SORCS3: variants seen among roughly 807,000 people sequenced by gnomAD.
SORCS3 encodes the protein sortilin related VPS10 domain containing receptor 3.
Under a neutral mutation model 146.3 loss-of-function variants are expected in SORCS3, and 57 were observed. That is an observed-to-expected ratio of 0.39 (90% CI 0.31 to 0.49). The LOEUF (loss-of-function observed/expected upper bound fraction) is 0.49, where lower values mean the gene tolerates loss of function less well. Ranked by LOEUF, SORCS3 falls within the 20% of genes least tolerant of loss-of-function variation. The pLI is 0.92. For synonymous variants in SORCS3, 653 were observed against 618.5 expected (o/e 1.06, Z -0.83); for missense variants, 1,341 against 1,575.5 (o/e 0.85, Z 2.52).
At chr10:104,966,435 A>C (rs2054826764) in intron 3 of SORCS3, among the ~76,000 whole-genome samples, 1 of 152,224 alleles carries the variant, frequency 6.6e-6, no homozygotes, top group South Asian at 2.1e-4. Flanking sequence ...CTTATTGAAC[A>C]CTAACTTTGC....
At chr10:105,196,786 T>A (rs1377546937) in intron 14 of SORCS3, among the ~76,000 whole-genome samples, 1 of 152,166 alleles carries the variant, frequency 6.6e-6, no homozygotes, top group Non-Finnish European at 1.5e-5. Context: ...TAGATGAAAG[T>A]GGTCTTGGAT....
At chr10:104,975,208 A>C (rs1414925021) in intron 3 of SORCS3, among the ~76,000 whole-genome samples, 1 of 152,198 alleles carries the variant, frequency 6.6e-6, no homozygotes, top group Admixed American at 6.6e-5. Flanking sequence ...CAACTTCAGC[A>C]AAGTCTCAGG....
chr10:105,217,541 A>T (rs1316413162), intron 19 of SORCS3, among the ~76,000 whole-genome samples: 1 of 152,224 alleles, frequency 6.6e-6, no homozygotes, highest in African/African-American at 2.4e-5. Context: ...TTTGTGTTGT[A>T]AGAGCCAGAG....
At chr10:104,695,069 G>A (rs972308083) in intron 1 of SORCS3, among the ~76,000 whole-genome samples, 2 of 152,124 alleles carry the variant, frequency 1.3e-5, no homozygotes, top group African/African-American at 2.4e-5. Context: ...CCCTCGTGTC[G>A]ATTCATGTCA....
At chr10:105,212,788 G>A (rs781454061) in intron 17 of SORCS3, among the ~76,000 whole-genome samples, 50 of 152,138 alleles carry the variant, frequency 3.3e-4, no homozygotes, top group Admixed American at 5.9e-4. Flanking sequence ...GTTTGTGTTA[G>A]GACATGGTAC....
intron 20 of SORCS3, among the ~76,000 whole-genome samples, chr10:105,227,935 T>C (rs1410414556): frequency 6.6e-6 from 1 of 151,876 alleles, no homozygotes; most frequent in African/African-American, 2.4e-5. Context: ...AGTCTGTATA[T>C]GTCATGACAG....
At position 105,261,886 on chromosome 10, in the gene SORCS3, C is replaced by G. The variant is rs915518446; in HGVS notation, c.3444-445C>G. Among the ~76,000 whole-genome samples, 5 of 152,124 alleles carry G rather than the reference C, an allele frequency of 3.3e-5. No homozygotes were observed. In the South Asian group the frequency reaches 1.0e-3, roughly 31 times the overall value. On this transcript the variant is annotated intron_variant, in intron 25 of 26. Transcript: ENST00000369701. Reference sequence around the variant, plus strand: ...GAAAATTGTAGCAAAAGCTATGAATCTATTATTTCTTGACTATTTATTTTA... The same window carrying G: ...GAAAATTGTAGCAAAAGCTATGAATGTATTATTTCTTGACTATTTATTTTA...
chr10:105,158,892 C>T lies in SORCS3; in HGVS notation c.1630C>T (p.Pro544Ser). The T allele has an allele frequency of 6.2e-7, 1 of 1,608,558 alleles. No homozygotes were observed. Among genetic ancestry groups the T allele is most frequent in the Non-Finnish European group, 8.5e-7 (1 of 1,175,468 alleles). Residue 544 changes from proline to serine, a missense_variant and splice_region_variant, in exon 11 of 27, where the codon CCC becomes TCC. Transcript: ENST00000369701. Reference protein sequence around the residue: ...LRGSPVHCLLPFCSLHLHLQL... With the variant: ...LRGSPVHCLLSFCSLHLHLQL... Reference sequence around the variant, plus strand: ...GAAACTATTTCTTTCTCCATTTTAGCCCTTCTGTTCCTTACATCTGCACCT... The same window carrying T: ...GAAACTATTTCTTTCTCCATTTTAGTCCTTCTGTTCCTTACATCTGCACCT...
At chr10:104,872,336 T>C (rs1332710571) in intron 2 of SORCS3, among the ~76,000 whole-genome samples, 2 of 152,050 alleles carry the variant, frequency 1.3e-5, no homozygotes, top group Non-Finnish European at 2.9e-5. Context: ...GTTAGGAAAA[T>C]GAGGGGTTTG....
intron 1 of SORCS3, among the ~76,000 whole-genome samples, chr10:104,841,593 G>A (rs2018140374): frequency 6.6e-6 from 1 of 152,168 alleles, no homozygotes; most frequent in South Asian, 2.1e-4. Flanking sequence ...AGTGCTGGAT[G>A]AGAATAAATC....
At chr10:104,643,022 C>G (rs2015445803) in intron 1 of SORCS3, among the ~76,000 whole-genome samples, 1 of 152,230 alleles carries the variant, frequency 6.6e-6, no homozygotes. Flanking sequence ...GGGACAGGTT[C>G]CCACCATCTC....
intron 1 of SORCS3, among the ~76,000 whole-genome samples, chr10:104,834,781 T>G (rs1462812690): frequency 1.3e-5 from 2 of 151,910 alleles, no homozygotes; most frequent in African/African-American, 4.8e-5. Flanking sequence ...ATTCAGCACT[T>G]GGCAAAAAGG....
intron 1 of SORCS3, among the ~76,000 whole-genome samples, chr10:104,710,877 G>A (rs1013361538): frequency 5.3e-5 from 8 of 152,186 alleles, no homozygotes; most frequent in African/African-American, 1.7e-4. Flanking sequence ...GGAGGGGACA[G>A]TAACATGGAT....
chr10:104,997,878 A>G (rs2055036873), intron 4 of SORCS3, among the ~76,000 whole-genome samples: 2 of 152,302 alleles, frequency 1.3e-5, no homozygotes, highest in East Asian at 1.9e-4. Context: ...ATCTGGTAGA[A>G]TGGAAAAAGT....
intron 7 of SORCS3, among the ~76,000 whole-genome samples, chr10:105,133,925 TCTAGC>T (rs1254648053): frequency 5.3e-5 from 8 of 152,170 alleles, no homozygotes; most frequent in African/African-American, 1.9e-4. Context: ...ACCACTGCAC[TCTAGC>T]CTGGGTGACA....
intron 6 of SORCS3, among the ~76,000 whole-genome samples, chr10:105,101,291 C>G (rs2055782655): frequency 6.6e-6 from 1 of 152,056 alleles, no homozygotes; most frequent in African/African-American, 2.4e-5. Flanking sequence ...CCCTGCTCAC[C>G]CTTGACAGCC....
At chr10:104,648,194 T>C (rs1169342840) in intron 1 of SORCS3, among the ~76,000 whole-genome samples, 1 of 152,226 alleles carries the variant, frequency 6.6e-6, no homozygotes, top group Non-Finnish European at 1.5e-5. Context: ...AATTTGAGAC[T>C]TGCAGAATGT....
chr10:105,002,905 G>T (rs112722823), intron 4 of SORCS3, among the ~76,000 whole-genome samples: 6 of 152,154 alleles, frequency 3.9e-5, no homozygotes, highest in Non-Finnish European at 7.3e-5. Context: ...TAGAGTACTC[G>T]CTGTGTTCCA....
chr10:104,911,727 C>T (rs2018970424), intron 2 of SORCS3, among the ~76,000 whole-genome samples: 1 of 152,150 alleles, frequency 6.6e-6, no homozygotes. Context: ...GACAAAGATG[C>T]TTTCCTTAAC....
Sources: gnomAD v4.1 joint callset for allele counts (sites outside exome capture counted in the v4.1 genomes callset) on GRCh38, gnomAD v4.1.1 for gene constraint, MANE v1.5 for transcripts, NCBI Gene and HGNC (gene_info 2026-07-23, HGNC 2026-07-21) for gene names.